The following YTHDC2 variants were observed in gnomAD, a reference collection of about 807,000 sequenced individuals.
YTHDC2 encodes the protein YTH N6-methyladenosine RNA binding protein C2.
YTHDC2 carries 45 observed loss-of-function variants against 174.9 expected under a neutral mutation model. The ratio of observed to expected loss-of-function variants is 0.26; its 90% CI spans 0.20 to 0.33. The LOEUF (loss-of-function observed/expected upper bound fraction) is 0.33, where lower values mean the gene tolerates loss of function less well. Ranked by LOEUF, YTHDC2 falls within the 10% of genes least tolerant of loss-of-function variation. The pLI is 1.00. For missense variants in YTHDC2, 1,650 were observed against 1,723.7 expected, an observed-to-expected ratio of 0.96 and a Z score of 0.76; for synonymous variants, 657 against 574.5, an observed-to-expected ratio of 1.14 and a Z score of -2.05.
At chr5:113,532,771 T>G in intron 4 of YTHDC2, 108 bp from the exon 5 acceptor site, 1 of 951,820 alleles carries the variant, frequency 1.1e-6, no homozygotes, top group South Asian at 2.0e-5. Context: ...ATGATTATAT[T>G]TGGACTTGTT....
intron 7 of YTHDC2, among the ~76,000 whole-genome samples, chr5:113,537,182 T>G (rs1329181927): frequency 1.3e-5 from 2 of 152,128 alleles, no homozygotes; most frequent in African/African-American, 4.8e-5. Context: ...TTTAACAGCT[T>G]TTGCCATTTT....
chr5:113,520,442 T>A (rs1464744262), intron 2 of YTHDC2, among the ~76,000 whole-genome samples: 1 of 152,122 alleles, frequency 6.6e-6, no homozygotes, highest in Non-Finnish European at 1.5e-5. Context: ...AAAAATTAGG[T>A]CACATTTAAA....
rs1776506467 is a variant in YTHDC2 at position 113,555,058 on chromosome 5, T to C, written c.2134-994T>C. Among the ~76,000 whole-genome samples, 8 of 152,024 alleles carry C rather than the reference T, an allele frequency of 5.3e-5. No homozygotes were observed. In the South Asian group the frequency reaches 1.7e-3, roughly 31 times the overall value. On this transcript the variant is annotated intron_variant, in intron 16 of 29. Transcript: ENST00000161863. ...AATTGAATAAAGGTGGGATAAATTT[T>C]ATTTTTATATAATAGTACATTAATG...
At chr5:113,543,659 TACACTGTGGATA>T (rs1010979687) in intron 10 of YTHDC2, among the ~76,000 whole-genome samples, 16 of 152,364 alleles carry the variant, frequency 1.1e-4, no homozygotes, top group Non-Finnish European at 1.2e-4. Context: ...GGCTTCCAGT[TACACTGTGGATA>T]AAAATCAAAG....
chr5:113,550,086 A>G (rs1369136486), intron 12 of YTHDC2, among the ~76,000 whole-genome samples: 1 of 143,590 alleles, frequency 7.0e-6, no homozygotes, highest in African/African-American at 2.6e-5. Context: ...TTCACAAAAA[A>G]GAAGTAAAAA....
At chr5:113,550,654 T>C (rs1776193807) in intron 12 of YTHDC2, among the ~76,000 whole-genome samples, 1 of 152,128 alleles carries the variant, frequency 6.6e-6, no homozygotes, top group Non-Finnish European at 1.5e-5. Flanking sequence ...CTTAGAAATA[T>C]GACAGCAAAT....
At chr5:113,562,540 C>G (rs865782154) in intron 18 of YTHDC2, among the ~76,000 whole-genome samples, 2 of 152,210 alleles carry the variant, frequency 1.3e-5, no homozygotes, top group Non-Finnish European at 2.9e-5. Context: ...ATTGCCTGTT[C>G]CTGCCTGTGT....
chr5:113,523,154 T>C (rs1773993081), intron 2 of YTHDC2, among the ~76,000 whole-genome samples: 1 of 152,116 alleles, frequency 6.6e-6, no homozygotes, highest in Admixed American at 6.5e-5. Flanking sequence ...TGATAAATGA[T>C]TGAGTGAATG....
At chr5:113,589,624 G>A (rs1257009968) in intron 26 of YTHDC2, among the ~76,000 whole-genome samples, 1 of 151,454 alleles carries the variant, frequency 6.6e-6, no homozygotes, top group Non-Finnish European at 1.5e-5. Flanking sequence ...CCTAGCTACT[G>A]GGGAGGCTGA....
At chr5:113,590,955 A>C (rs1778971599) in intron 26 of YTHDC2, 86 bp from the exon 27 acceptor site, 3 of 1,116,952 alleles carry the variant, frequency 2.7e-6, no homozygotes, top group Non-Finnish European at 3.8e-6. Context: ...ATTTTGGCTT[A>C]TATGTTTATG....
Position 113,542,413 on chromosome 5 carries a change from A to G in YTHDC2, c.1405A>G (p.Met469Val), listed in dbSNP as rs200919202. The part of the protein sequence containing the change: ...NCLEPWLIKE[M>V]DACLSDIWLH... ...CCTTGAACCATGGTTAATAAAGGAA[A>G]TGGATGCTTGCCTTTCTGATATATG... Residue 469 changes from methionine (M) to valine (V), a missense_variant, in exon 10 of 30, where the codon ATG (methionine) becomes GTG (valine). By Grantham distance (21) the Met-to-Val change is conservative. Coordinates refer to ENST00000161863, the MANE Select transcript of YTHDC2 (RefSeq NM_022828.5). 1.2e-6 allele frequency: 2 copies of G among 1,613,012 alleles called. No individual in the cohort carries two copies. The highest frequency in any genetic ancestry group is 8.5e-7 in the Non-Finnish European group (1 of 1,179,666).
intron 9 of YTHDC2, 79 bp downstream of exon 9, chr5:113,541,195 T>C: frequency 9.4e-7 from 1 of 1,065,908 alleles, no homozygotes; most frequent in Non-Finnish European, 1.2e-6. Flanking sequence ...GCTTATAATT[T>C]TTTTTTTTTT....
In YTHDC2 at chr5:113,514,009, C is replaced by A. The variant is rs899181867; in HGVS notation, c.114C>A (p.Asp38Glu). 1 of 1,609,778 alleles carries A rather than the reference C, an allele frequency of 6.2e-7. No individual in the cohort carries two copies. Among genetic ancestry groups the A allele is most frequent in the Non-Finnish European group, 8.5e-7 (1 of 1,178,508 alleles). The change falls in exon 1 of 30, where the codon GAC becomes GAA. Residue 38 changes from aspartate (D) to glutamate (E), a missense_variant. By Grantham distance (45) the Asp-to-Glu change is conservative. Around this residue, in one of 5 missense-constraint regions of YTHDC2, gnomAD observed 304 missense variants for 341.4 expected, o/e 0.89. Coordinates refer to ENST00000161863, the MANE Select transcript of YTHDC2 (RefSeq NM_022828.5). ...GGGGRAKGLK[D>E]IRIDEEVKIA... ...GCGGCCGGGCCAAGGGGCTGAAGGA[C>A]ATTCGCATTGATGAGGAGGTGAAGA...
intron 26 of YTHDC2, among the ~76,000 whole-genome samples, chr5:113,588,840 G>A (rs1778833897): frequency 6.6e-6 from 1 of 151,666 alleles, no homozygotes; most frequent in African/African-American, 2.4e-5. Flanking sequence ...GGCCAGGCTG[G>A]TCTCGAACTC....
At chr5:113,529,544 A>G (rs557827231) in intron 4 of YTHDC2, among the ~76,000 whole-genome samples, 1 of 152,298 alleles carries the variant, frequency 6.6e-6, no homozygotes, top group African/African-American at 2.4e-5. Flanking sequence ...CTTGGGCAAG[A>G]ATGGATATAA....
intron 17 of YTHDC2, among the ~76,000 whole-genome samples, chr5:113,560,129 TG>T (rs1776862195): frequency 6.6e-6 from 1 of 152,146 alleles, no homozygotes; most frequent in African/African-American, 2.4e-5. Context: ...TGAAAGTTTT[TG>T]TGGGAAATCA....
chr5:113,574,022 A>T (rs1240908213), intron 23 of YTHDC2, among the ~76,000 whole-genome samples: 1 of 152,130 alleles, frequency 6.6e-6, no homozygotes, highest in Non-Finnish European at 1.5e-5. Context: ...TATCACAATC[A>T]TTTGGAGGAG....
Position 113,567,799 on chromosome 5 carries a change from G to C in YTHDC2, c.3194G>C (p.Gly1065Ala). 6.3e-7 allele frequency: 1 copy of C among 1,595,438 alleles called. No individual in the cohort carries two copies. The highest frequency in any genetic ancestry group is 8.5e-7 in the Non-Finnish European group (1 of 1,170,644). ...CCTGTCACTATATTGGTATTCTGTG[G>C]ACCAGCTAGATTGGCAAGTAATGCT... ...VTPVTILVFC[G>A]PARLASNALQ... Residue 1065 changes from glycine (G) to alanine (A), a missense_variant, in exon 23 of 30, where the codon GGA (glycine) becomes GCA (alanine). Transcript: ENST00000161863.
chr5:113,520,446 A>G (rs1363612821), intron 2 of YTHDC2, among the ~76,000 whole-genome samples: 2 of 152,280 alleles, frequency 1.3e-5, no homozygotes, highest in East Asian at 3.8e-4. Context: ...ATTAGGTCAC[A>G]TTTAAACTGG....
Sources: gnomAD v4.1 joint callset for allele counts (sites outside exome capture counted in the v4.1 genomes callset) on GRCh38, gnomAD v4.1.1 for gene constraint, gnomAD v4.1.1 regional missense constraint, MANE v1.5 for transcripts, NCBI Gene and HGNC (gene_info 2026-07-23, HGNC 2026-07-21) for gene names.